Variants in NCKAP5 observed in about 807,000 individuals in gnomAD.
NCKAP5 encodes the protein nck-associated protein 5.
A neutral mutation model predicts 167.0 loss-of-function variants in NCKAP5; 92 were observed. The ratio of observed to expected loss-of-function variants is 0.55; its 90% CI spans 0.47 to 0.66. The LOEUF is 0.66. NCKAP5 is among the 30% of genes least tolerant of loss of function. NCKAP5 has a pLI of 0.00. For missense variants in NCKAP5, 2,378 were observed against 2,315.0 expected, an observed-to-expected ratio of 1.03 and a Z score of -0.56; for synonymous variants, 891 against 877.4, an observed-to-expected ratio of 1.02 and a Z score of -0.27.
At chr2:133,373,616 G>C (rs1685949715) in intron 3 of NCKAP5, among the ~76,000 whole-genome samples, 1 of 152,088 alleles carries the variant, frequency 6.6e-6, no homozygotes, top group Non-Finnish European at 1.5e-5. Flanking sequence ...AAATATCGAA[G>C]GAGATGAATA....
chr2:133,449,002 A>G (rs917335136), intron 3 of NCKAP5, among the ~76,000 whole-genome samples: 2 of 152,212 alleles, frequency 1.3e-5, no homozygotes, highest in African/African-American at 4.8e-5. Context: ...GAATAATGAG[A>G]GAGGATGTTC....
At chr2:132,822,768 A>G (rs922031911) in intron 11 of NCKAP5, among the ~76,000 whole-genome samples, 1 of 152,342 alleles carries the variant, frequency 6.6e-6, no homozygotes, top group South Asian at 2.1e-4. Flanking sequence ...ACTCAAGGAG[A>G]TACAAGAGAA....
chr2:133,474,285 A>G (rs1001533565), intron 3 of NCKAP5, among the ~76,000 whole-genome samples: 1 of 152,176 alleles, frequency 6.6e-6, no homozygotes, highest in Non-Finnish European at 1.5e-5. Flanking sequence ...TACTAAGTGA[A>G]ATAAGCCAGG....
intron 1 of NCKAP5, among the ~76,000 whole-genome samples, chr2:133,564,154 G>T (rs1558789021): frequency 6.6e-6 from 1 of 151,866 alleles, no homozygotes; most frequent in Non-Finnish European, 1.5e-5. Flanking sequence ...AAAAGTACGT[G>T]CTGTGGGTTC....
intron 3 of NCKAP5, among the ~76,000 whole-genome samples, chr2:133,340,610 A>T (rs1314461755): frequency 6.6e-6 from 1 of 152,156 alleles, no homozygotes; most frequent in African/African-American, 2.4e-5. Flanking sequence ...ATCTGTCTGT[A>T]AAGATCTTAT....
intron 4 of NCKAP5, chr2:133,267,231 G>A (rs1470270116): frequency 6.6e-6 from 1 of 151,868 alleles, no homozygotes; most frequent in Admixed American, 6.5e-5. Context: ...GGGAAATAGT[G>A]CTTTCATTTC....
At chr2:133,380,020 A>C (rs1686408948) in intron 3 of NCKAP5, among the ~76,000 whole-genome samples, 1 of 152,152 alleles carries the variant, frequency 6.6e-6, no homozygotes, top group Admixed American at 6.6e-5. Context: ...GAGAGGGAAA[A>C]AAATTATTTT....
the NCKAP5 span, among the ~76,000 whole-genome samples, chr2:133,590,917 A>G: frequency 1.1e-5 from 1 of 94,420 alleles, no homozygotes; most frequent in African/African-American, 5.9e-5. Context: ...TTGTGTGTGC[A>G]TGTGTGTGTG....
At chr2:132,682,571 G>A (rs923952216) in intron 19 of NCKAP5, among the ~76,000 whole-genome samples, 3 of 152,138 alleles carry the variant, frequency 2.0e-5, no homozygotes, top group African/African-American at 7.2e-5. Flanking sequence ...ACCAGAAAGT[G>A]AGTCCCTGAA....
At position 133,013,960 on chromosome 2, in the gene NCKAP5, C is replaced by T. The variant is rs1443559495; in HGVS notation, c.342-19721G>A. ...CTTCCCAAGCACTGCCAATTCCTTC[C>T]AATCAACAGCTTCCTCTTTCCTTGA... On this transcript the variant is annotated intron_variant, in intron 6 of 19. Transcript: ENST00000409261. Among the ~76,000 whole-genome samples the T allele has an allele frequency of 2.6e-5, 4 of 152,288 alleles. No individual in the cohort carries two copies. In the South Asian group the frequency reaches 8.3e-4, roughly 32 times the overall value.
intron 3 of NCKAP5, among the ~76,000 whole-genome samples, chr2:133,411,592 G>T (rs1296994725): frequency 1.3e-5 from 2 of 152,148 alleles, no homozygotes; most frequent in African/African-American, 4.8e-5. Context: ...GAGTAAAATT[G>T]GGAACAGGGC....
At chr2:132,800,505 AC>A (rs1331144096) in intron 11 of NCKAP5, among the ~76,000 whole-genome samples, 1 of 152,136 alleles carries the variant, frequency 6.6e-6, no homozygotes, top group Non-Finnish European at 1.5e-5. Flanking sequence ...ACATTTTCAA[AC>A]CAGAGGTAAG....
upstream of NCKAP5, among the ~76,000 whole-genome samples, chr2:133,569,045 G>A (rs1688750414): frequency 6.6e-6 from 1 of 152,070 alleles, no homozygotes; most frequent in South Asian, 2.1e-4. Flanking sequence ...GAAGAGTGCT[G>A]GAGGCTTTCT....
chr2:133,517,189 G>C (rs1684073269), intron 3 of NCKAP5, among the ~76,000 whole-genome samples: 1 of 152,170 alleles, frequency 6.6e-6, no homozygotes, highest in South Asian at 2.1e-4. Flanking sequence ...TTTTGTATAG[G>C]CTGAAGTCTA....
intron 3 of NCKAP5, among the ~76,000 whole-genome samples, chr2:133,378,273 C>G (rs555077971): frequency 1.1e-4 from 17 of 151,518 alleles, no homozygotes; most frequent in Non-Finnish European, 2.1e-4. Context: ...TGGACTAGAC[C>G]AAAGAGATAA....
chr2:132,765,870 T>G (rs78910345), intron 16 of NCKAP5, among the ~76,000 whole-genome samples: 2,487 of 152,258 alleles, frequency 0.016, 75 homozygotes, highest in African/African-American at 0.057. Flanking sequence ...TGCTAGGAAG[T>G]GTTCTTAAAA....
At chr2:133,447,734 C>A (rs909521805) in intron 3 of NCKAP5, among the ~76,000 whole-genome samples, 1 of 152,076 alleles carries the variant, frequency 6.6e-6, no homozygotes, top group South Asian at 2.1e-4. Flanking sequence ...GATCCTCCAA[C>A]CTTGGCCTCC....
At chr2:133,613,680 C>T in the NCKAP5 span, among the ~76,000 whole-genome samples, 1 of 152,172 alleles carries the variant, frequency 6.6e-6, no homozygotes, top group Non-Finnish European at 1.5e-5. Context: ...ATGTCCTGCA[C>T]AGCCTCCTCT....
chr2:132,726,781 G>A (rs1052545875), intron 18 of NCKAP5, among the ~76,000 whole-genome samples: 2 of 152,154 alleles, frequency 1.3e-5, no homozygotes, highest in African/African-American at 4.8e-5. Flanking sequence ...TGTTTACTAA[G>A]TAACTACTCT....
Sources: gnomAD v4.1 joint callset for allele counts (sites outside exome capture counted in the v4.1 genomes callset) on GRCh38, gnomAD v4.1.1 for gene constraint, MANE v1.5 for transcripts, NCBI Gene and HGNC (gene_info 2026-07-23, HGNC 2026-07-21) for gene names.